Variants in DIP2B observed in about 807,000 individuals in gnomAD.
The protein encoded by DIP2B is disco-interacting protein 2 homolog B.
DIP2B carries 76 observed loss-of-function variants against 198.0 expected under a neutral mutation model. The ratio of observed to expected loss-of-function variants is 0.38; its 90% CI spans 0.32 to 0.46. The LOEUF is 0.46. Ranked by LOEUF, DIP2B falls within the 20% of genes least tolerant of loss-of-function variation. DIP2B has a pLI of 0.99. For missense variants in DIP2B, 1,559 were observed against 1,978.4 expected (o/e 0.79, Z 4.02); for synonymous variants, 701 against 739.1 (o/e 0.95, Z 0.84).
intron 1 of DIP2B, among the ~76,000 whole-genome samples, chr12:50,616,560 G>A (rs945795997): frequency 4.6e-5 from 7 of 152,174 alleles, no homozygotes; most frequent in Admixed American, 4.6e-4. Context: ...ACTACAGAGA[G>A]TTTTTAAAAT....
At chr12:50,573,947 C>T (rs1167628161) in intron 1 of DIP2B, among the ~76,000 whole-genome samples, 1 of 151,986 alleles carries the variant, frequency 6.6e-6, no homozygotes, top group Non-Finnish European at 1.5e-5. Flanking sequence ...AGATAATTTC[C>T]TTGACTATGT....
chr12:50,666,923 G>A (rs2139519305), intron 4 of DIP2B, among the ~76,000 whole-genome samples: 1 of 152,310 alleles, frequency 6.6e-6, no homozygotes, highest in Middle Eastern at 3.4e-3. Flanking sequence ...TCGGGACGCT[G>A]AGGCAGGAGA....
chr12:50,590,518 C>T (rs1246288945), intron 1 of DIP2B, among the ~76,000 whole-genome samples: 2 of 152,054 alleles, frequency 1.3e-5, no homozygotes, highest in East Asian at 1.9e-4. Context: ...TACAGGCACG[C>T]ACCACCATGC....
chr12:50,735,138 G>T lies in DIP2B; in HGVS notation c.4101+8G>T. 1 of 1,614,146 alleles carries T rather than the reference G, an allele frequency of 6.2e-7. No individual in the cohort carries two copies. Among genetic ancestry groups the T allele is most frequent in the African/African-American group, 1.3e-5 (1 of 75,018 alleles). The stretch of plus-strand genomic sequence containing the variant: ...CTCTCAGAGTCTGGAAAGGTAATTT[G>T]TTCTGTTGACCATGGGGAAGGTGGG... On this transcript the variant is annotated splice_region_variant and intron_variant, in intron 34 of 37. Coordinates refer to ENST00000301180, the MANE Select transcript of DIP2B (RefSeq NM_173602.3).
chr12:50,663,579 T>TAAATAAATAAATAAATAAATA (rs1938693645), intron 4 of DIP2B, among the ~76,000 whole-genome samples: 1 of 150,556 alleles, frequency 6.6e-6, no homozygotes, highest in Non-Finnish European at 1.5e-5. Context: ...AATAAATAAA[T>TAAATAAATAAATAAATAAATA]AAAACAGTTG....
chr12:50,520,035 C>CT (rs35179881), intron 1 of DIP2B, among the ~76,000 whole-genome samples: 7,900 of 100,618 alleles, frequency 0.079, 728 homozygotes, highest in South Asian at 0.13. Context: ...ATTGAATCTC[C>CT]TTTTTTTTTT....
At chr12:50,554,931 C>G (rs1429540260) in intron 1 of DIP2B, among the ~76,000 whole-genome samples, 1 of 152,044 alleles carries the variant, frequency 6.6e-6, no homozygotes, top group Non-Finnish European at 1.5e-5. Flanking sequence ...CCACGCCTGC[C>G]TAATTTTTTG....
rs181323120 is a variant in DIP2B at position 50,523,769 on chromosome 12, A to G, written c.100+18529A>G. Among the ~76,000 whole-genome samples, 7 of 152,340 alleles carry G rather than the reference A, an allele frequency of 4.6e-5. No individual in the cohort carries two copies. In the East Asian group the frequency reaches 1.2e-3, roughly 25 times the overall value. On this transcript the variant is annotated intron_variant, in intron 1 of 37. Transcript: ENST00000301180. ...ATATATAGGAAAACAATTACGTGTG[A>G]AAACATACAAGTTGTATTAGCTTAG...
chr12:50,514,929 A>G (rs1022381267), intron 1 of DIP2B, among the ~76,000 whole-genome samples: 2 of 152,098 alleles, frequency 1.3e-5, no homozygotes, highest in Non-Finnish European at 1.5e-5. Flanking sequence ...GAACATTAGG[A>G]TTACACGCGT....
intron 33 of DIP2B, 118 bp from the exon 34 acceptor site, chr12:50,734,955 C>A: frequency 7.9e-7 from 1 of 1,270,306 alleles, no homozygotes; most frequent in Non-Finnish European, 1.1e-6. Context: ...AGAAACCCCT[C>A]TGTAGTATGA....
intron 7 of DIP2B, among the ~76,000 whole-genome samples, chr12:50,677,547 G>A (rs1355837741): frequency 1.3e-5 from 2 of 152,100 alleles, no homozygotes; most frequent in African/African-American, 4.8e-5. Flanking sequence ...CCTGGGAGGC[G>A]GAGGTTGCAG....
chr12:50,692,862 A>G, intron 13 of DIP2B, 87 bp from the exon 14 acceptor site: 1 of 1,141,916 alleles, frequency 8.8e-7, no homozygotes, highest in East Asian at 2.4e-5. Flanking sequence ...CAAACATCAA[A>G]TCAGTTGTTT....
In DIP2B at chr12:50,719,049, A is replaced by G. The variant is rs1260306842; in HGVS notation, c.3042+14A>G. ...TTAAATGCCAAGGTATTAAAAATTC[A>G]ATGGTATATCTAATCAGCTGACTAC... is the stretch of plus-strand genomic sequence containing the variant. On this transcript the variant is annotated intron_variant, in intron 25 of 37. Coordinates refer to ENST00000301180, the MANE Select transcript of DIP2B (RefSeq NM_173602.3). The G allele has an allele frequency of 1.9e-6, 3 of 1,613,134 alleles. No individual in the cohort carries two copies. The South Asian group carries it at 3.3e-5, about 18-fold the overall frequency.
chr12:50,526,211 G>C (rs1473705699), intron 1 of DIP2B, among the ~76,000 whole-genome samples: 2 of 152,200 alleles, frequency 1.3e-5, no homozygotes, highest in Non-Finnish European at 2.9e-5. Context: ...GCTTTAAAGA[G>C]TAAAGAAGTG....
chr12:50,532,807 G>T (rs1462907480), intron 1 of DIP2B, among the ~76,000 whole-genome samples: 1 of 152,172 alleles, frequency 6.6e-6, no homozygotes, highest in Non-Finnish European at 1.5e-5. Flanking sequence ...GCTGTCCTTG[G>T]GCTCTCAGGG....
chr12:50,733,945 A>G (rs1388235370), intron 32 of DIP2B, among the ~76,000 whole-genome samples, 190 bp from the exon 33 acceptor site: 2 of 152,198 alleles, frequency 1.3e-5, no homozygotes, highest in Non-Finnish European at 2.9e-5. Context: ...AGCCCTCCTC[A>G]GCATGGAAAT....
chr12:50,652,669 G>A (rs1386172613), intron 3 of DIP2B, among the ~76,000 whole-genome samples: 1 of 152,096 alleles, frequency 6.6e-6, no homozygotes, highest in Non-Finnish European at 1.5e-5. Context: ...ATGCCATTGG[G>A]ATTTTGATAG....
At chr12:50,677,869 C>T (rs1428482859) in intron 7 of DIP2B, among the ~76,000 whole-genome samples, 6 of 151,758 alleles carry the variant, frequency 4.0e-5, no homozygotes, top group Admixed American at 6.6e-5. Flanking sequence ...GTAAGAGCCA[C>T]CCCTTTCCTC....
At chr12:50,597,828 T>C (rs1008008596) in intron 1 of DIP2B, among the ~76,000 whole-genome samples, 1 of 152,232 alleles carries the variant, frequency 6.6e-6, no homozygotes, top group Non-Finnish European at 1.5e-5. Context: ...AAGTATGCAT[T>C]AAAGTGAATT....
Sources: allele counts gnomAD v4.1 joint callset (sites outside exome capture counted in the v4.1 genomes callset), GRCh38; gene constraint gnomAD v4.1.1; transcripts MANE v1.5; gene names NCBI Gene and HGNC (gene_info 2026-07-23, HGNC 2026-07-21).